RAB27A: variants seen among roughly 807,000 people sequenced by gnomAD.
RAB27A encodes RAB27A, member RAS oncogene family, also known as ras-related protein Rab-27A.
RAB27A carries 17 observed loss-of-function variants against 20.8 expected under a neutral mutation model. That is an observed-to-expected ratio of 0.82 (90% CI 0.56 to 1.23). The LOEUF is 1.23. Ranked by LOEUF, RAB27A falls within the 50% of genes most tolerant of loss-of-function variation. RAB27A has a pLI of 0.00. For synonymous variants in RAB27A, 85 were observed against 92.8 expected, an observed-to-expected ratio of 0.92 and a Z score of 0.48; for missense variants, 277 against 266.7, an observed-to-expected ratio of 1.04 and a Z score of -0.27.
intron 1 of RAB27A, among the ~76,000 whole-genome samples, chr15:55,282,439 T>C (rs1898040679): frequency 6.6e-6 from 1 of 152,210 alleles, no homozygotes; most frequent in South Asian, 2.1e-4. Flanking sequence ...GTGGTTTCCT[T>C]ATCTGGGTGG....
intron 2 of RAB27A, among the ~76,000 whole-genome samples, chr15:55,241,119 T>TCTTTC (rs1337543237): frequency 6.6e-6 from 1 of 152,178 alleles, no homozygotes; most frequent in East Asian, 1.9e-4. Context: ...AATGTTCTTT[T>TCTTTC]CTTTCCTAGA....
chr15:55,223,458 G>A (rs988900373), intron 6 of RAB27A, among the ~76,000 whole-genome samples: 12 of 151,318 alleles, frequency 7.9e-5, no homozygotes, highest in South Asian at 2.1e-4. Flanking sequence ...GCAGTGAGCC[G>A]AGATTGTGCC....
intron 2 of RAB27A, among the ~76,000 whole-genome samples, chr15:55,309,801 T>C (rs1257826727): frequency 6.6e-6 from 1 of 152,048 alleles, no homozygotes; most frequent in Non-Finnish European, 1.5e-5. Flanking sequence ...CACTGTCCAT[T>C]GGGTTTCTGT....
chr15:55,301,493 T>A (rs1000559637), intron 2 of RAB27A, among the ~76,000 whole-genome samples: 54 of 152,006 alleles, frequency 3.6e-4, no homozygotes, highest in African/African-American at 1.3e-3. Context: ...GTGGTTTGCA[T>A]GCAGTGTCTT....
At chr15:55,304,559 TTC>T (rs2054989591) in intron 2 of RAB27A, among the ~76,000 whole-genome samples, 1 of 152,230 alleles carries the variant, frequency 6.6e-6, no homozygotes, top group African/African-American at 2.4e-5. Context: ...CTAATCTACT[TTC>T]TGTCTCTAGA....
chr15:55,274,794 T>TTATATATATATATATATATATA (rs371945954), intron 1 of RAB27A, among the ~76,000 whole-genome samples: 45 of 52,136 alleles, frequency 8.6e-4, no homozygotes, highest in Admixed American at 1.2e-3. Context: ...AATAAATAAA[T>TTATATATATATATATATATATA]TATATATATA....
intron 1 of RAB27A, chr15:55,317,824 G>A: frequency 7.6e-6 from 3 of 397,200 alleles, no homozygotes; most frequent in Middle Eastern, 6.3e-4. Context: ...AGGAAAAGCT[G>A]GTTTTGGAAA....
chr15:55,308,288 T>C (rs148129318), intron 2 of RAB27A, among the ~76,000 whole-genome samples: 4,376 of 152,336 alleles, frequency 0.029, 216 homozygotes, highest in African/African-American at 0.1. Context: ...TGATGTTTGA[T>C]AGGTGTTCCC....
At chr15:55,281,566 G>T (rs1263440899) in intron 1 of RAB27A, among the ~76,000 whole-genome samples, 2 of 152,024 alleles carry the variant, frequency 1.3e-5, no homozygotes, top group Non-Finnish European at 2.9e-5. Context: ...ACAAAAATTA[G>T]CCCAGCATGG....
chr15:55,221,086 C>G (rs1035502956), intron 6 of RAB27A, among the ~76,000 whole-genome samples: 1 of 152,074 alleles, frequency 6.6e-6, no homozygotes, highest in African/African-American at 2.4e-5. Context: ...CCTCAGATAC[C>G]CCATATGACA....
intron 2 of RAB27A, among the ~76,000 whole-genome samples, chr15:55,302,164 G>A (rs1275159033): frequency 7.4e-6 from 1 of 136,040 alleles, no homozygotes; most frequent in Non-Finnish European, 1.5e-5. Context: ...GTGACAGAGG[G>A]AGACTCTGTC....
At chr15:55,275,929 A>AAC (rs1230234969) in intron 1 of RAB27A, among the ~76,000 whole-genome samples, 3 of 149,816 alleles carry the variant, frequency 2.0e-5, no homozygotes, top group East Asian at 3.9e-4. Flanking sequence ...AAAAAAAAAA[A>AAC]AAAAAAAAAA....
chr15:55,235,622 A>G (rs1271587383), intron 2 of RAB27A, among the ~76,000 whole-genome samples: 3 of 152,134 alleles, frequency 2.0e-5, no homozygotes, highest in Non-Finnish European at 4.4e-5. Context: ...AGGAAAGAGA[A>G]TGTTATAAGG....
At chr15:55,227,983 C>T (rs942115838) in intron 5 of RAB27A, among the ~76,000 whole-genome samples, 5 of 152,118 alleles carry the variant, frequency 3.3e-5, no homozygotes, top group African/African-American at 4.8e-5. Context: ...TGGCAGAATT[C>T]GAAATGGCTA....
chr15:55,212,630 C>T (rs1215350363), intron 6 of RAB27A, among the ~76,000 whole-genome samples: 4 of 151,258 alleles, frequency 2.6e-5, no homozygotes, highest in Middle Eastern at 3.2e-3. Flanking sequence ...CCCGGGCTCA[C>T]GCCATTCTCC....
At chr15:55,222,288 T>C (rs1895608757) in intron 6 of RAB27A, among the ~76,000 whole-genome samples, 1 of 152,214 alleles carries the variant, frequency 6.6e-6, no homozygotes, top group Non-Finnish European at 1.5e-5. Context: ...AGTAAGCCTA[T>C]AGTGGATGGG....
chr15:55,312,969 T>C (rs75645199), intron 2 of RAB27A, among the ~76,000 whole-genome samples: 4,665 of 152,294 alleles, frequency 0.031, 81 homozygotes, highest in Non-Finnish European at 0.041. Context: ...CACTCTGTCA[T>C]AGCCCTGACA....
intron 2 of RAB27A, among the ~76,000 whole-genome samples, chr15:55,236,779 G>C (rs570783832): frequency 8.5e-5 from 13 of 152,172 alleles, no homozygotes; most frequent in African/African-American, 2.9e-4. Flanking sequence ...TACATGCATA[G>C]AATGTAATGA....
chr15:55,287,670 C>T (rs1286773303), intron 1 of RAB27A, among the ~76,000 whole-genome samples: 1 of 151,760 alleles, frequency 6.6e-6, no homozygotes. Context: ...TCACTTGAAC[C>T]AGGGAGGCGG....
Sources: allele counts gnomAD v4.1 joint callset (sites outside exome capture counted in the v4.1 genomes callset), GRCh38; gene constraint gnomAD v4.1.1; transcripts MANE v1.5; gene names NCBI Gene and HGNC (gene_info 2026-07-23, HGNC 2026-07-21).